The following PRKD2 variants were observed in gnomAD, a reference collection of about 807,000 sequenced individuals.
PRKD2 encodes serine/threonine-protein kinase D2.
Under a neutral mutation model 86.0 loss-of-function variants are expected in PRKD2, and 22 were observed. That is an observed-to-expected ratio of 0.26 (90% confidence interval 0.18 to 0.37). PRKD2 has a LOEUF of 0.37. Ranked by LOEUF, PRKD2 falls within the 10% of genes least tolerant of loss-of-function variation. PRKD2 has a pLI of 1.00. For missense variants in PRKD2, 818 were observed against 1,199.2 expected, an observed-to-expected ratio of 0.68 and a Z score of 4.70; for synonymous variants, 509 against 510.9, an observed-to-expected ratio of 1.00 and a Z score of 0.05.
intron 16 of PRKD2, among the ~76,000 whole-genome samples, chr19:46,676,308 G>A (rs537247281): frequency 3.9e-5 from 6 of 152,068 alleles, no homozygotes; most frequent in African/African-American, 1.4e-4. Flanking sequence ...CATGCCTGTA[G>A]TCCCAGCTAC....
chr19:46,678,312 T>C lies in PRKD2; in HGVS notation c.2338+84A>G. On this transcript the variant is annotated intron_variant, in intron 16 of 17. Transcript: ENST00000291281. The surrounding 1 kb of genome is among the most constrained non-coding windows in gnomAD (Gnocchi z 5.7). ...CCCAAGGTGCCAGGCTGTTTCCGGG[T>C]CCACCCCCCTCTCATGGCTCCGCCC... is the stretch of plus-strand genomic sequence containing the variant. 1 of 1,532,320 alleles carries C rather than the reference T, an allele frequency of 6.5e-7. No individual in the cohort carries two copies. Among genetic ancestry groups the C allele is most frequent in the East Asian group, 2.4e-5 (1 of 41,358 alleles). 94.9% of individuals were successfully genotyped at this position (1,532,320 alleles called of 1,614,324 possible). A position where few individuals can be genotyped will look rare whatever the true frequency, so the allele number is the denominator to read the frequency against.
At chr19:46,681,235 C>T (rs886379931) in intron 15 of PRKD2, among the ~76,000 whole-genome samples, 5 of 149,542 alleles carry the variant, frequency 3.3e-5, no homozygotes, top group Non-Finnish European at 5.9e-5. Flanking sequence ...GGATTACAGG[C>T]GTGAGCCACC....
At position 46,697,769 on chromosome 19, in the gene PRKD2, C is replaced by T; in HGVS notation, c.1203G>A (p.Glu401=). 6.2e-7 allele frequency: 1 copy of T among 1,614,120 alleles called. No individual in the cohort carries two copies. The highest frequency in any genetic ancestry group is 8.5e-7 in the Non-Finnish European group (1 of 1,180,016). Residue 401 remains glutamate, a synonymous_variant, in exon 8 of 18, where the codon GAG becomes GAA. Transcript: ENST00000291281. ...TTRKSSTTLR[E]GWVVHYSNKD... is the part of the protein sequence containing the mutation. Reference sequence around the variant, plus strand: ...TGTTGCTGTAATGAACCACCCAACCCTCCCGCAGCGTGGTGCTGGATTTCC... The same window carrying T: ...TGTTGCTGTAATGAACCACCCAACCTTCCCGCAGCGTGGTGCTGGATTTCC...
chr19:46,713,758 A>T (rs2053841625), intron 2 of PRKD2, 105 bp downstream of exon 2: 1 of 1,107,858 alleles, frequency 9.0e-7, no homozygotes, highest in Non-Finnish European at 1.3e-6. Flanking sequence ...GGCGTGAGCC[A>T]CTACACCCGG....
chr19:46,674,737 T>TG lies in PRKD2; in HGVS notation c.2425-3dup. The TG allele has an allele frequency of 6.2e-7, 1 of 1,603,346 alleles. No homozygotes were observed. Among genetic ancestry groups the TG allele is most frequent in the Non-Finnish European group, 8.5e-7 (1 of 1,179,380 alleles). On this transcript the variant is annotated splice_polypyrimidine_tract_variant and splice_region_variant and intron_variant, in intron 17 of 17. Coordinates refer to ENST00000291281, the MANE Select transcript of PRKD2 (RefSeq NM_016457.5). Reference sequence around the variant, plus strand: ...GAGGTCCAGCCACGTCTGGTACTCCTGGGCCCGAGAGAACTGGGGTTAGCT... The same window carrying TG: ...GAGGTCCAGCCACGTCTGGTACTCCTGGGGCCCGAGAGAACTGGGGTTAGCT...
At chr19:46,698,600 C>T (rs374058594) in intron 7 of PRKD2, among the ~76,000 whole-genome samples, 346 of 152,360 alleles carry the variant, frequency 2.3e-3, no homozygotes, top group African/African-American at 7.8e-3. Flanking sequence ...GATTCAACCT[C>T]TCTGGGCCTC....
rs1233988221 is a variant in PRKD2, at chr19:46,704,348, G to A, written c.710C>T (p.Ser237Phe). 1.9e-6 allele frequency: 3 copies of A among 1,614,170 alleles called. No homozygotes were observed. Among genetic ancestry groups the A allele is most frequent in the Non-Finnish European group, 2.5e-6 (3 of 1,180,028 alleles). The stretch of plus-strand genomic sequence containing the variant: ...CGATGAGGCAGAAGAGGAGGAAGAG[G>A]ATGACGGGGGACGGCGAGGCAGGAG... ...TELLPRRPPS[S>F]SSSSSASSYT... The change falls in exon 5 of 18, where the codon TCC (serine) becomes TTC (phenylalanine). Residue 237 changes from serine to phenylalanine, a missense_variant. This residue lies in a region of PRKD2 where 403 missense variants were observed against 518.6 expected (regional missense o/e 0.78). Coordinates refer to ENST00000291281, the MANE Select transcript of PRKD2 (RefSeq NM_016457.5).
At position 46,689,691 on chromosome 19, in the gene PRKD2, C is replaced by T. The variant is rs761081110; in HGVS notation, c.1817G>A (p.Arg606Gln). 12 of 1,613,890 alleles carry T rather than the reference C, an allele frequency of 7.4e-6. No individual in the cohort carries two copies. The highest frequency in any genetic ancestry group is 2.2e-5 in the East Asian group (1 of 44,888). ...RNEVAILQSLRHPGIVNLECM... is the reference protein window; with the variant it reads ...RNEVAILQSLQHPGIVNLECM... ...CTCCAGGTTCACGATCCCGGGATGC[C>T]GCAGGCTCTGCAGGGTGGGGAGCGG... Residue 606 changes from arginine to glutamine, a missense_variant, in exon 14 of 18, where the codon CGG (arginine) becomes CAG (glutamine). Coordinates refer to ENST00000291281, the MANE Select transcript of PRKD2 (RefSeq NM_016457.5).
chr19:46,695,262 G>A (rs2053540445), intron 9 of PRKD2, among the ~76,000 whole-genome samples: 1 of 152,038 alleles, frequency 6.6e-6, no homozygotes, highest in Non-Finnish European at 1.5e-5. Context: ...CAAGGCAGGC[G>A]GATCACAAAG....
intron 2 of PRKD2, 130 bp from the exon 3 acceptor site, chr19:46,711,168 T>G (rs1422491105): frequency 6.2e-6 from 8 of 1,295,154 alleles, no homozygotes; most frequent in Non-Finnish European, 8.4e-6. Flanking sequence ...CTTCATTTGC[T>G]CTCATACTAC....
chr19:46,715,602 G>A (rs2053870929), intron 1 of PRKD2, among the ~76,000 whole-genome samples: 1 of 152,206 alleles, frequency 6.6e-6, no homozygotes, highest in African/African-American at 2.4e-5. Context: ...AGGGAATAGA[G>A]TCCCCAGGGT....
chr19:46,701,834 A>G (rs1422346808), intron 5 of PRKD2, among the ~76,000 whole-genome samples: 1 of 151,762 alleles, frequency 6.6e-6, no homozygotes, highest in Non-Finnish European at 1.5e-5. Flanking sequence ...ACTTCTACCT[A>G]CTGGATGCCA....
Position 46,678,337 on chromosome 19 carries a change from C to T in PRKD2, c.2338+59G>A. 3 of 1,583,762 alleles carry T rather than the reference C, an allele frequency of 1.9e-6. No homozygotes were observed. Among genetic ancestry groups the T allele is most frequent in the Non-Finnish European group, 2.6e-6 (3 of 1,167,230 alleles). On this transcript the variant is annotated intron_variant, in intron 16 of 17. Coordinates refer to ENST00000291281, the MANE Select transcript of PRKD2 (RefSeq NM_016457.5). The surrounding 1 kb of genome is among the most constrained non-coding windows in gnomAD (Gnocchi z 5.7). ...TCCACCCCCCTCTCATGGCTCCGCC[C>T]ACTTCTCCAGCCCCACCCCACAACC...
rs372832440 is a variant in PRKD2 at position 46,710,325 on chromosome 19, T to C, written c.511+582A>G. The C allele has an allele frequency of 1.6e-4, 24 of 153,036 alleles. No homozygotes were observed. The East Asian group carries it at 1.9e-3, about 12-fold the overall frequency. 9.5% of individuals were successfully genotyped at this position (153,036 alleles called of 1,614,324 possible). A position where few individuals can be genotyped will look rare whatever the true frequency, so the allele number is the denominator to read the frequency against. On this transcript the variant is annotated intron_variant, in intron 3 of 17. Coordinates refer to ENST00000291281, the MANE Select transcript of PRKD2 (RefSeq NM_016457.5). ...CTCCCGCCTCAGCCTCCCAAGTGGCTGGGACCACAAGTGTCTGTCACCATG... is the reference window on the plus strand; with the variant it reads ...CTCCCGCCTCAGCCTCCCAAGTGGCCGGGACCACAAGTGTCTGTCACCATG...
intron 2 of PRKD2, among the ~76,000 whole-genome samples, chr19:46,711,688 C>T (rs1421327274): frequency 2.6e-5 from 4 of 152,038 alleles, no homozygotes; most frequent in African/African-American, 7.2e-5. Context: ...CCACTGCACC[C>T]GGCCTAAAAT....
intron 15 of PRKD2, among the ~76,000 whole-genome samples, chr19:46,680,835 C>T (rs1464904408): frequency 2.7e-5 from 4 of 149,004 alleles, no homozygotes; most frequent in African/African-American, 9.9e-5. Flanking sequence ...TCCCAAAGTG[C>T]GGGGATTATA....
At chr19:46,679,005 G>A (rs377137235) in intron 15 of PRKD2, among the ~76,000 whole-genome samples, 3 of 152,244 alleles carry the variant, frequency 2.0e-5, no homozygotes, top group African/African-American at 4.8e-5. Flanking sequence ...CCAATGGGTC[G>A]CTGTTTCCTC....
chr19:46,680,946 A>ATATATATATATATATATATTTTTTTT, intron 15 of PRKD2, among the ~76,000 whole-genome samples: 2 of 48,232 alleles, frequency 4.1e-5, no homozygotes, highest in Non-Finnish European at 8.1e-5. Flanking sequence ...ATATATATAT[A>ATATATATATATATATATATTTTTTTT]TTTTTTTTTT....
intron 3 of PRKD2, chr19:46,710,640 A>G (rs2053791773): frequency 6.7e-6 from 3 of 444,462 alleles, no homozygotes; most frequent in Non-Finnish European, 1.2e-5. Context: ...CTGCTCCCCT[A>G]GGCTCTGTTC....
Sources: allele counts gnomAD v4.1 joint callset (sites outside exome capture counted in the v4.1 genomes callset), GRCh38; gene constraint gnomAD v4.1.1; regional missense constraint gnomAD v4.1.1; non-coding constraint Gnocchi (gnomAD v3.1); transcripts MANE v1.5; gene names NCBI Gene and HGNC (gene_info 2026-07-23, HGNC 2026-07-21).